The following LRP1B variants were observed in gnomAD, a reference collection of about 807,000 sequenced individuals.
LRP1B encodes LDL receptor related protein 1B, also known as low-density lipoprotein receptor-related protein 1B.
LRP1B carries 217 observed loss-of-function variants against 556.6 expected under a neutral mutation model. The observed-to-expected ratio is 0.39, with a 90% CI of 0.35 to 0.44. The LOEUF is 0.44. Ranked by LOEUF, LRP1B falls within the 20% of genes least tolerant of loss-of-function variation. The probability of loss-of-function intolerance (pLI) is 1.00; values close to 1 mark genes in which losing one functional copy is unlikely to be tolerated. For missense variants in LRP1B, 5,053 were observed against 5,620.8 expected, an observed-to-expected ratio of 0.90 and a Z score of 3.23; for synonymous variants, 2,047 against 1,865.8, an observed-to-expected ratio of 1.10 and a Z score of -2.50.
At chr2:141,574,509 G>A (rs923768802) in intron 2 of LRP1B, among the ~76,000 whole-genome samples, 1 of 152,088 alleles carries the variant, frequency 6.6e-6, no homozygotes, top group Non-Finnish European at 1.5e-5. Context: ...CATATTGAAT[G>A]GGCAAAAGCT....
At chr2:142,110,997 A>T (rs558040117) in intron 1 of LRP1B, among the ~76,000 whole-genome samples, 83 of 152,260 alleles carry the variant, frequency 5.5e-4, no homozygotes, top group African/African-American at 1.9e-3. Flanking sequence ...TGCAATGTGG[A>T]TGTCACTCCT....
chr2:141,046,083 A>G (rs1027286631), intron 11 of LRP1B, among the ~76,000 whole-genome samples: 1 of 152,150 alleles, frequency 6.6e-6, no homozygotes, highest in Non-Finnish European at 1.5e-5. Context: ...AAAAAAATCA[A>G]ATAATGAATA....
Position 141,172,881 on chromosome 2 carries a change from T to G in LRP1B, c.1013+15540A>C, listed in dbSNP as rs186862242. 3.0e-3 allele frequency among the ~76,000 whole-genome samples: 456 copies of G among 152,100 alleles called. 2 individuals carry two copies. Among genetic ancestry groups the G allele is most frequent in the Middle Eastern group, 6.8e-3 (2 of 294 alleles). ...TACACAGATCCAAAAAGTAAGAGGA[T>G]CTAAAGAAGGCAGAACTTTCATCCA... On this transcript the variant is annotated intron_variant, in intron 7 of 90. Coordinates refer to ENST00000389484, the MANE Select transcript of LRP1B (RefSeq NM_018557.3).
At chr2:141,751,501 A>G (rs942677368) in intron 2 of LRP1B, among the ~76,000 whole-genome samples, 1 of 152,192 alleles carries the variant, frequency 6.6e-6, no homozygotes, top group South Asian at 2.1e-4. Context: ...AATATCTCCA[A>G]GGCCTGGAGG....
At chr2:141,578,566 G>C (rs1463896030) in intron 2 of LRP1B, among the ~76,000 whole-genome samples, 1 of 151,994 alleles carries the variant, frequency 6.6e-6, no homozygotes, top group Non-Finnish European at 1.5e-5. Flanking sequence ...ATTTAGTAGT[G>C]AGTTCATCAA....
chr2:140,968,779 C>T (rs1003710984), intron 18 of LRP1B, among the ~76,000 whole-genome samples: 28 of 152,252 alleles, frequency 1.8e-4, no homozygotes, highest in African/African-American at 6.5e-4. Context: ...GCCTTCATTT[C>T]GTTATGTACC....
intron 2 of LRP1B, among the ~76,000 whole-genome samples, chr2:141,621,704 T>C (rs355578): frequency 0.96 from 145,534 of 152,158 alleles, 69,617 homozygotes; most frequent in East Asian, 0.99. Flanking sequence ...TGAAATAGTC[T>C]CTCCCGCAAT....
chr2:141,943,860 A>C (rs1368039924), intron 1 of LRP1B, among the ~76,000 whole-genome samples: 3 of 152,138 alleles, frequency 2.0e-5, no homozygotes, highest in Non-Finnish European at 4.4e-5. Flanking sequence ...AGGCTCGCAG[A>C]CACTTTGAAG....
chr2:141,477,339 C>T lies in LRP1B; in HGVS notation c.343+3057G>A, dbSNP rs1337782968. 4.7e-5 allele frequency among the ~76,000 whole-genome samples: 7 copies of T among 147,742 alleles called. No individual in the cohort carries two copies. In the East Asian group the frequency reaches 7.9e-4, roughly 17 times the overall value. On this transcript the variant is annotated intron_variant, in intron 3 of 90. Coordinates refer to ENST00000389484, the MANE Select transcript of LRP1B (RefSeq NM_018557.3). ...AAAGAATTTCCAAAAAGAAAGGTAA[C>T]GTTTGAATTAATCTGGTTTCTTGAT... is the stretch of plus-strand genomic sequence containing the variant.
At chr2:141,362,913 G>T (rs1573858496) in intron 3 of LRP1B, among the ~76,000 whole-genome samples, 1 of 151,624 alleles carries the variant, frequency 6.6e-6, no homozygotes, top group East Asian at 1.9e-4. Context: ...CATTCCAAAA[G>T]CTTGGTAAAA....
intron 75 of LRP1B, among the ~76,000 whole-genome samples, chr2:140,356,004 A>G (rs1010901458): frequency 1.3e-5 from 2 of 151,920 alleles, no homozygotes; most frequent in African/African-American, 4.8e-5. Flanking sequence ...GGGTCATCAT[A>G]AACATATTTT....
chr2:141,950,194 T>G (rs1447747043), intron 1 of LRP1B, among the ~76,000 whole-genome samples: 3 of 152,214 alleles, frequency 2.0e-5, no homozygotes, highest in East Asian at 1.9e-4. Flanking sequence ...TTTAAAATGT[T>G]AAATATTTTA....
chr2:141,396,457 G>A (rs886775735), intron 3 of LRP1B, among the ~76,000 whole-genome samples: 1 of 152,148 alleles, frequency 6.6e-6, no homozygotes, highest in Non-Finnish European at 1.5e-5. Flanking sequence ...TGCAGTAATT[G>A]CTACAATTAA....
intron 41 of LRP1B, among the ~76,000 whole-genome samples, chr2:140,628,720 T>C (rs548874): frequency 0.95 from 144,050 of 152,168 alleles, 68,205 homozygotes; most frequent in East Asian, 1. Flanking sequence ...GGTTAGGATT[T>C]GCATCCCCAC....
intron 82 of LRP1B, among the ~76,000 whole-genome samples, chr2:140,319,223 G>A (rs943479871): frequency 2.0e-5 from 3 of 152,056 alleles, no homozygotes; most frequent in South Asian, 4.1e-4. Context: ...ACATAAAAGA[G>A]GAAAGGAAAA....
chr2:140,238,347 C>G (rs2104882258), intron 88 of LRP1B, 51 bp from the exon 89 acceptor site: 1 of 909,180 alleles, frequency 1.1e-6, no homozygotes, highest in East Asian at 2.7e-5. Flanking sequence ...ATATCACAAT[C>G]AAGGCATATG....
intron 7 of LRP1B, among the ~76,000 whole-genome samples, chr2:141,084,938 C>T (rs902900347): frequency 2.6e-5 from 4 of 152,244 alleles, no homozygotes; most frequent in East Asian, 1.9e-4. Context: ...CGTGAGCCAC[C>T]GCGCCCGGCC....
intron 7 of LRP1B, among the ~76,000 whole-genome samples, chr2:141,132,584 A>G (rs1374698452): frequency 6.6e-6 from 1 of 152,006 alleles, no homozygotes; most frequent in Non-Finnish European, 1.5e-5. Flanking sequence ...CATCAATACT[A>G]TTAAAATCTA....
chr2:141,938,772 GTA>G (rs1206531874), intron 1 of LRP1B, among the ~76,000 whole-genome samples: 6 of 128,014 alleles, frequency 4.7e-5, no homozygotes, highest in Non-Finnish European at 1.7e-5. Flanking sequence ...GTGTGTGTGT[GTA>G]TATGTGTATC....
Sources: allele counts gnomAD v4.1 joint callset (sites outside exome capture counted in the v4.1 genomes callset), GRCh38; gene constraint gnomAD v4.1.1; transcripts MANE v1.5; gene names NCBI Gene and HGNC (gene_info 2026-07-23, HGNC 2026-07-21).